Variants in HSDL2 observed in about 807,000 individuals in gnomAD.
HSDL2 encodes hydroxysteroid dehydrogenase-like protein 2.
In HSDL2, 27 loss-of-function variants were observed where a neutral mutation model predicts 46.3. That is an observed-to-expected ratio of 0.58 (90% CI 0.43 to 0.80). HSDL2 has a LOEUF of 0.80. HSDL2 is among the 30% of genes least tolerant of loss of function. HSDL2 has a pLI of 0.00. For missense variants in HSDL2, 451 were observed against 502.7 expected, an observed-to-expected ratio of 0.90 and a Z score of 0.98; for synonymous variants, 153 against 163.6, an observed-to-expected ratio of 0.94 and a Z score of 0.50.
chr9:112,422,697 A>G (rs1418816267), intron 6 of HSDL2, among the ~76,000 whole-genome samples: 1 of 152,192 alleles, frequency 6.6e-6, no homozygotes, highest in Non-Finnish European at 1.5e-5. Flanking sequence ...TAATTGAATG[A>G]ATAATAGGAA....
chr9:112,434,382 C>T (rs763897693), intron 6 of HSDL2, among the ~76,000 whole-genome samples: 9 of 152,176 alleles, frequency 5.9e-5, no homozygotes, highest in Non-Finnish European at 1.0e-4. Context: ...ACTCAGCTAA[C>T]CAGGGAGGGT....
At chr9:112,386,038 G>T (rs1831210890) in intron 1 of HSDL2, among the ~76,000 whole-genome samples, 1 of 151,846 alleles carries the variant, frequency 6.6e-6, no homozygotes, top group Non-Finnish European at 1.5e-5. Context: ...CTCCCAAAGT[G>T]TTGTGATTAC....
chr9:112,452,633 C>T (rs1008914722), intron 8 of HSDL2, among the ~76,000 whole-genome samples: 1 of 152,098 alleles, frequency 6.6e-6, no homozygotes, highest in Non-Finnish European at 1.5e-5. Flanking sequence ...TGTAGTCCCA[C>T]CTACTCGGGA....
intron 6 of HSDL2, among the ~76,000 whole-genome samples, chr9:112,436,898 A>G (rs1197727131): frequency 6.6e-6 from 1 of 151,626 alleles, no homozygotes; most frequent in Admixed American, 6.6e-5. Context: ...TTATCCCTGG[A>G]TAGGGAAATT....
chr9:112,460,922 C>T (rs1833190021), intron 10 of HSDL2, among the ~76,000 whole-genome samples: 1 of 151,906 alleles, frequency 6.6e-6, no homozygotes, highest in Admixed American at 6.6e-5. Context: ...TTTGGTTTAG[C>T]ATCATACATA....
chr9:112,400,496 A>G (rs1262362497), intron 1 of HSDL2, among the ~76,000 whole-genome samples: 1 of 152,246 alleles, frequency 6.6e-6, no homozygotes, highest in African/African-American at 2.4e-5. Flanking sequence ...AGTCCCAGCT[A>G]CTTGGGAGGC....
intron 2 of HSDL2, 130 bp from the exon 3 acceptor site, chr9:112,405,494 T>G: frequency 1.7e-6 from 1 of 596,650 alleles, no homozygotes; most frequent in Non-Finnish European, 2.9e-6. Flanking sequence ...GAGTCACTGG[T>G]GGTAAGATAG....
intron 8 of HSDL2, among the ~76,000 whole-genome samples, chr9:112,453,594 T>G (rs1468123053): frequency 2.6e-5 from 4 of 152,152 alleles, no homozygotes; most frequent in Admixed American, 2.6e-4. Context: ...GGTTTCTCCA[T>G]GTTGCCCAGG....
chr9:112,468,176 CCT>C (rs1370177874), intron 10 of HSDL2, among the ~76,000 whole-genome samples: 3 of 151,954 alleles, frequency 2.0e-5, no homozygotes, highest in Non-Finnish European at 2.9e-5. Flanking sequence ...TCTATCTACC[CCT>C]GTCCTTTCTG....
At chr9:112,380,266 C>CCGGG in intron 1 of HSDL2, 86 bp downstream of exon 1, 2 of 1,382,192 alleles carry the variant, frequency 1.4e-6, no homozygotes, top group Non-Finnish European at 2.0e-6. Context: ...CCCGGGCTGG[C>CCGGG]CGGCCCGGCT....
chr9:112,429,900 T>C (rs141856226), intron 6 of HSDL2, among the ~76,000 whole-genome samples: 161 of 152,186 alleles, frequency 1.1e-3, no homozygotes, highest in African/African-American at 3.6e-3. Context: ...GAGACCAGCC[T>C]GAGCAACATG....
intron 6 of HSDL2, among the ~76,000 whole-genome samples, chr9:112,420,811 T>C (rs931338078): frequency 2.5e-4 from 38 of 152,372 alleles, no homozygotes; most frequent in African/African-American, 9.1e-4. Flanking sequence ...ATCATATACA[T>C]TTCTGTTACA....
chr9:112,463,637 A>G (rs6477935), intron 10 of HSDL2, among the ~76,000 whole-genome samples: 145,341 of 152,200 alleles, frequency 0.95, 69,458 homozygotes, highest in African/African-American at 0.98. Context: ...TCTAGTGGGC[A>G]TGTAGTGGTA....
At chr9:112,405,754 T>C in intron 3 of HSDL2, 32 bp downstream of exon 3, 1 of 1,308,030 alleles carries the variant, frequency 7.6e-7, no homozygotes, top group Middle Eastern at 1.9e-4. Context: ...AATTATTGGA[T>C]ATTGGTAAAA....
At chr9:112,462,321 G>A (rs1391022384) in intron 10 of HSDL2, among the ~76,000 whole-genome samples, 3 of 152,086 alleles carry the variant, frequency 2.0e-5, no homozygotes, top group Admixed American at 6.5e-5. Flanking sequence ...AAAATTAGCC[G>A]GGTGTGGTGG....
At chr9:112,449,083 T>G (rs1395721583) in intron 8 of HSDL2, among the ~76,000 whole-genome samples, 15 of 842 alleles carry the variant, frequency 0.018, no homozygotes, top group African/African-American at 0.032. Flanking sequence ...TTCCTCTGTT[T>G]TTTTTTTTTT....
rs955573761 is a variant in HSDL2, at chr9:112,449,140, G to A, written c.866-4873G>A. On this transcript the variant is annotated intron_variant, in intron 8 of 10. Transcript: ENST00000398805. ...CTCACTCTGTCTCCCAGGCTGGAGC[G>A]CAGTGGCACGATCTCGGCTCACTGC... 4.9e-5 allele frequency among the ~76,000 whole-genome samples: 7 copies of A among 143,074 alleles called. No homozygotes were observed. The East Asian group carries it at 8.5e-4, about 17-fold the overall frequency. The allele number at this position is 143,074 out of a possible 152,430, so 93.9% of individuals were successfully genotyped here.
chr9:112,385,109 C>CACA (rs58515929), intron 1 of HSDL2, among the ~76,000 whole-genome samples: 143,415 of 150,914 alleles, frequency 0.95, 68,199 homozygotes, highest in African/African-American at 0.98. Context: ...AAAAGAAAAA[C>CACA]ACAACAACAA....
At position 112,450,534 on chromosome 9, in the gene HSDL2, C is replaced by T. The variant is rs141989817; in HGVS notation, c.866-3479C>T. On this transcript the variant is annotated intron_variant, in intron 8 of 10. Transcript: ENST00000398805. The stretch of plus-strand genomic sequence containing the variant: ...ATCCCAGCTATTCGGGAGGCTGAGG[C>T]ACAAGAATCGCTTGAACCTGGGAGG... Among the ~76,000 whole-genome samples, 256 of 147,648 alleles carry T rather than the reference C, an allele frequency of 1.7e-3. 1 individual carries two copies. The highest frequency in any genetic ancestry group is 3.1e-3 in the Non-Finnish European group (208 of 67,554).
Sources: gnomAD v4.1 joint callset for allele counts (sites outside exome capture counted in the v4.1 genomes callset) on GRCh38, gnomAD v4.1.1 for gene constraint, MANE v1.5 for transcripts, NCBI Gene and HGNC (gene_info 2026-07-23, HGNC 2026-07-21) for gene names.